Variants in DIS3L observed in about 807,000 individuals in gnomAD.
DIS3L encodes the protein DIS3-like exonuclease 1.
A neutral mutation model predicts 120.3 loss-of-function variants in DIS3L; 100 were observed. That is an observed-to-expected ratio of 0.83 (90% CI 0.71 to 0.98). The LOEUF is 0.98. Among genes scored for constraint, DIS3L ranks in the 50% least tolerant of loss-of-function variants. DIS3L has a pLI of 0.00. For synonymous variants in DIS3L, 426 were observed against 470.6 expected, an observed-to-expected ratio of 0.91 and a Z score of 1.23; for missense variants, 1,196 against 1,314.2, an observed-to-expected ratio of 0.91 and a Z score of 1.39.
At chr15:66,298,516 G>C (rs2140319569) in intron 2 of DIS3L, among the ~76,000 whole-genome samples, 1 of 152,290 alleles carries the variant, frequency 6.6e-6, no homozygotes, top group East Asian at 1.9e-4. Flanking sequence ...TTGTTTTGCT[G>C]AAACAAAATC....
chr15:66,312,974 TTTTAA>T (rs774922819), intron 5 of DIS3L, among the ~76,000 whole-genome samples: 9 of 151,996 alleles, frequency 5.9e-5, no homozygotes, highest in South Asian at 2.1e-4. Context: ...CTTTTTTTAA[TTTTAA>T]TTTAATTTAA....
At position 66,310,684 on chromosome 15, in the gene DIS3L, G is replaced by A. The variant is rs2092751452; in HGVS notation, c.559-1040G>A. ...CAGACAGAATTTCTGGAAGGAGTAG[G>A]GAAAGAAAGGAAGCAGTTTGAACAG... On this transcript the variant is annotated intron_variant, in intron 4 of 16. Transcript: ENST00000319212. Among the ~76,000 whole-genome samples the A allele has an allele frequency of 2.0e-5, 3 of 152,284 alleles. No individual in the cohort carries two copies. In the South Asian group the frequency reaches 6.2e-4, roughly 32 times the overall value.
chr15:66,303,857 C>T (rs532195069), intron 2 of DIS3L, among the ~76,000 whole-genome samples: 41 of 151,852 alleles, frequency 2.7e-4, no homozygotes, highest in Middle Eastern at 6.8e-3. Flanking sequence ...TTTGGGAGGC[C>T]GAGGCGGGTG....
At chr15:66,308,676 T>C in intron 3 of DIS3L, 33 bp from the exon 4 acceptor site, 5 of 1,592,900 alleles carry the variant, frequency 3.1e-6, no homozygotes, top group Non-Finnish European at 4.3e-6. Flanking sequence ...TTTGTCTGCC[T>C]GGGGAGAGCT....
intron 14 of DIS3L, chr15:66,330,538 A>C: frequency 3.0e-6 from 3 of 985,286 alleles, no homozygotes; most frequent in Non-Finnish European, 3.6e-6. Context: ...TCTGCTGTGC[A>C]ATGTTGTAGC....
chr15:66,293,457 G>T (rs544398957), upstream of DIS3L: 188 of 1,218,920 alleles, frequency 1.5e-4, no homozygotes, highest in African/African-American at 2.8e-3. Context: ...AGCCTGGAGC[G>T]TGTAGCTCCG....
At chr15:66,298,830 C>T (rs995142746) in intron 2 of DIS3L, among the ~76,000 whole-genome samples, 2 of 152,214 alleles carry the variant, frequency 1.3e-5, no homozygotes, top group African/African-American at 2.4e-5. Context: ...CAAATGTTCA[C>T]CAAGAGACTA....
chr15:66,293,868 C>T (rs1157140983), intron 1 of DIS3L, 133 bp downstream of exon 1: 1 of 864,518 alleles, frequency 1.2e-6, no homozygotes, highest in Non-Finnish European at 1.3e-6. Context: ...TGCGCCCGCT[C>T]GCCGGCCTCA....
At chr15:66,313,851 GTATATATATGTGTGTATATA>G (rs67804291) in intron 5 of DIS3L, among the ~76,000 whole-genome samples, 168 bp from the exon 6 acceptor site, 8,377 of 146,518 alleles carry the variant, frequency 0.057, 299 homozygotes, top group Middle Eastern at 0.1. Context: ...ATGTGTGTGC[GTATATATATGTGTGTATATA>G]TATATATATG....
intron 5 of DIS3L, among the ~76,000 whole-genome samples, chr15:66,313,629 C>T (rs2092784864): frequency 6.6e-6 from 1 of 151,866 alleles, no homozygotes; most frequent in Non-Finnish European, 1.5e-5. Context: ...ACTTGGGAGG[C>T]TGAGGCAGGA....
chr15:66,315,204 C>G lies in DIS3L; in HGVS notation c.983C>G (p.Pro328Arg), dbSNP rs751052291. ...DKASGESPSE[P>R]MPTGRVVGIL... Reference sequence around the variant, plus strand: ...GCTTCGGGCGAGTCCCCAAGTGAGCCCATGCCTACAGGTGAGCCAGCTGCA... The same window carrying G: ...GCTTCGGGCGAGTCCCCAAGTGAGCGCATGCCTACAGGTGAGCCAGCTGCA... The change falls in exon 7 of 17, where the codon CCC becomes CGC. Residue 328 changes from proline (P) to arginine (R), a missense_variant. By Grantham distance (103) the Pro-to-Arg change is moderately radical (BLOSUM62 -2). Coordinates refer to ENST00000319212, the MANE Select transcript of DIS3L (RefSeq NM_001143688.3). 6.2e-7 allele frequency: 1 copy of G among 1,611,634 alleles called. No homozygotes were observed. The highest frequency in any genetic ancestry group is 1.1e-5 in the South Asian group (1 of 90,814).
chr15:66,299,710 T>G (rs2092626815), intron 2 of DIS3L, among the ~76,000 whole-genome samples: 1 of 152,110 alleles, frequency 6.6e-6, no homozygotes, highest in Admixed American at 6.6e-5. Context: ...TATATAAAAC[T>G]TCCTAAGTGT....
chr15:66,333,369 C>G lies in DIS3L; in HGVS notation c.*57C>G. ...GTGAATGTTTTACAGTCTTTTCAAA[C>G]TTAACATTTAATGTGTGTCACTCAG... is the stretch of plus-strand genomic sequence containing the variant. On this transcript the variant is annotated 3_prime_UTR_variant, in exon 17 of 17. Coordinates refer to ENST00000319212, the MANE Select transcript of DIS3L (RefSeq NM_001143688.3). 2 of 1,507,760 alleles carry G rather than the reference C, an allele frequency of 1.3e-6. No homozygotes were observed. Among genetic ancestry groups the G allele is most frequent in the Non-Finnish European group, 1.8e-6 (2 of 1,120,570 alleles). 93.4% of individuals were successfully genotyped at this position (1,507,760 alleles called of 1,614,324 possible). A position where few individuals can be genotyped will look rare whatever the true frequency, so the allele number is the denominator to read the frequency against.
At chr15:66,317,148 C>A (rs952082464) in intron 7 of DIS3L, among the ~76,000 whole-genome samples, 2 of 151,926 alleles carry the variant, frequency 1.3e-5, no homozygotes, top group African/African-American at 4.8e-5. Flanking sequence ...ATCACCTTAC[C>A]CTACCTTGTG....
intron 2 of DIS3L, among the ~76,000 whole-genome samples, chr15:66,298,170 A>G (rs1007976798): frequency 1.1e-4 from 12 of 106,846 alleles, no homozygotes; most frequent in Admixed American, 2.4e-4. Context: ...CAAAAGCAAG[A>G]CTCCGTCTCA....
rs1480401420 is a variant in DIS3L at position 66,322,924 on chromosome 15, G to A, written c.1564G>A (p.Ala522Thr). 1 of 1,614,084 alleles carries A rather than the reference G, an allele frequency of 6.2e-7. No homozygotes were observed. Among genetic ancestry groups the A allele is most frequent in the Admixed American group, 1.7e-5 (1 of 60,012 alleles). Reference sequence around the variant, plus strand: ...ACCAAATTCTTACATTGATATTGAAGCTAGAACAAGGTAATGCTATTTGAA... The same window carrying A: ...ACCAAATTCTTACATTGATATTGAAACTAGAACAAGGTAATGCTATTTGAA... Reference protein sequence around the residue: ...VAPNSYIDIEARTRATTYYLA... With the variant: ...VAPNSYIDIETRTRATTYYLA... Residue 522 changes from alanine to threonine, a missense_variant, in exon 10 of 17, where the codon GCT becomes ACT. Physicochemically the swap from Ala to Thr is moderately conservative, Grantham distance 58. Coordinates refer to ENST00000319212, the MANE Select transcript of DIS3L (RefSeq NM_001143688.3).
chr15:66,302,099 G>A (rs1545023), intron 2 of DIS3L, among the ~76,000 whole-genome samples: 15,932 of 152,064 alleles, frequency 0.1, 1,062 homozygotes, highest in Non-Finnish European at 0.15. Context: ...GGGTCTGCAC[G>A]GTGGCTCACG....
rs2092846294 is a variant in DIS3L at position 66,318,599 on chromosome 15, A to C, written c.1145A>C (p.Gln382Pro). ...YRIPKIRIST[Q>P]QAETLQDFRV... ...ATTCCCAAAATTCGAATTAGCACTC[A>C]GCAAGCAGAAACCCTCCAGGTAGTT... The change falls in exon 8 of 17, where the codon CAG becomes CCG. Residue 382 changes from glutamine (Q) to proline (P), a missense_variant. Gln to Pro is a moderately conservative substitution (Grantham distance 76). Coordinates refer to ENST00000319212, the MANE Select transcript of DIS3L (RefSeq NM_001143688.3). 6.2e-7 allele frequency: 1 copy of C among 1,614,088 alleles called. No individual in the cohort carries two copies. The highest frequency in any genetic ancestry group is 2.2e-5 in the East Asian group (1 of 44,850).
At chr15:66,307,564 AGT>A (rs199737868) in intron 3 of DIS3L, among the ~76,000 whole-genome samples, 2,195 of 152,288 alleles carry the variant, frequency 0.014, 28 homozygotes, top group Non-Finnish European at 0.02. Context: ...GGCCTCCCAA[AGT>A]GCTGGGATTA....
Sources: gnomAD v4.1 joint callset for allele counts (sites outside exome capture counted in the v4.1 genomes callset) on GRCh38, gnomAD v4.1.1 for gene constraint, MANE v1.5 for transcripts, NCBI Gene and HGNC (gene_info 2026-07-23, HGNC 2026-07-21) for gene names.